FMO5: variants seen among roughly 807,000 people sequenced by gnomAD.
The protein encoded by FMO5 is flavin containing dimethylaniline monoxygenase 5, also known as flavin-containing monooxygenase 5.
A neutral mutation model predicts 43.6 loss-of-function variants in FMO5; 51 were observed. The observed-to-expected ratio is 1.17, with a 90% CI of 0.93 to 1.48. The LOEUF is 1.48. Among genes scored for constraint, FMO5 ranks in the 40% most tolerant of loss-of-function variants. The probability of loss-of-function intolerance (pLI) is 0.00; values close to 1 mark genes in which losing one functional copy is unlikely to be tolerated. For missense variants in FMO5, 644 were observed against 643.0 expected (o/e 1.00, Z -0.02); for synonymous variants, 187 against 216.5 (o/e 0.86, Z 1.20).
downstream of FMO5, among the ~76,000 whole-genome samples, chr1:147,185,388 C>T (rs1201611344): frequency 6.6e-6 from 1 of 151,996 alleles, no homozygotes; most frequent in Non-Finnish European, 1.5e-5. Flanking sequence ...ATTCAATTTG[C>T]TTTTGATATG....
Position 147,186,586 on chromosome 1 carries a change from A to C in FMO5, c.*314T>G. On this transcript the variant is annotated 3_prime_UTR_variant, in exon 9 of 9. Transcript: ENST00000254090. ...CCTACCATAAAATTTGATAAACAACAAACATTTATTAAGCACCTACCACAT... is the reference window on the plus strand; with the variant it reads ...CCTACCATAAAATTTGATAAACAACCAACATTTATTAAGCACCTACCACAT... The C allele has an allele frequency of 9.5e-7, 1 of 1,051,886 alleles. No homozygotes were observed. Among genetic ancestry groups the C allele is most frequent in the Non-Finnish European group, 1.1e-6 (1 of 873,914 alleles). 65.2% of individuals were successfully genotyped at this position (1,051,886 alleles called of 1,614,324 possible).
In FMO5 at chr1:147,213,352, G is replaced by T. The variant is rs587710509; in HGVS notation, c.443C>A (p.Thr148Asn). ...MNVFDGVMVC[T>N]GHHTNAHLPL... ...TAGATGAGCATTGGTGTGATGGCCAGTGCAAACCATGACTCCATCAAAGAC... is the reference window on the plus strand; with the variant it reads ...TAGATGAGCATTGGTGTGATGGCCATTGCAAACCATGACTCCATCAAAGAC... The change falls in exon 4 of 9, where the codon ACT becomes AAT. Residue 148 changes from threonine to asparagine, a missense_variant. Transcript: ENST00000254090. The T allele has an allele frequency of 3.5e-5, 57 of 1,613,370 alleles. No individual in the cohort carries two copies. In the South Asian group the frequency reaches 5.5e-4, roughly 16 times the overall value.
chr1:147,219,086 AAATGAATTAGTT>A (rs1662538532), intron 2 of FMO5, among the ~76,000 whole-genome samples: 1 of 152,240 alleles, frequency 6.6e-6, no homozygotes, highest in South Asian at 2.1e-4. Context: ...AAATGCTTTG[AAATGAATTAGTT>A]AATGAATTAT....
intron 1 of FMO5, 41 bp downstream of exon 1, chr1:147,225,246 A>G (rs1455997469): frequency 1.5e-6 from 2 of 1,315,530 alleles, no homozygotes; most frequent in Admixed American, 2.9e-5. Flanking sequence ...CGCCTGCAAG[A>G]CCCAGAGCTG....
intron 6 of FMO5, chr1:147,203,783 AG>A: frequency 6.5e-7 from 1 of 1,544,546 alleles, no homozygotes; most frequent in South Asian, 1.1e-5. Flanking sequence ...GTCATCCATC[AG>A]ATTGTCTGTA....
intron 2 of FMO5, among the ~76,000 whole-genome samples, chr1:147,218,189 A>G (rs1662339902): frequency 6.6e-6 from 1 of 152,190 alleles, no homozygotes; most frequent in Non-Finnish European, 1.5e-5. Context: ...ACAATGTTAA[A>G]TGTTCCCAAA....
chr1:147,191,849 TG>T (rs1458054607), intron 7 of FMO5, among the ~76,000 whole-genome samples: 3 of 152,142 alleles, frequency 2.0e-5, no homozygotes, highest in African/African-American at 7.2e-5. Flanking sequence ...CTGAGGGCTC[TG>T]TCCTGTTCCA....
Position 147,225,055 on chromosome 1 carries a change from G to C in FMO5, c.-26C>G. 6.2e-7 allele frequency: 1 copy of C among 1,613,996 alleles called. No individual in the cohort carries two copies. Among genetic ancestry groups the C allele is most frequent in the Non-Finnish European group, 8.5e-7 (1 of 1,179,974 alleles). ...GGTCTCCCGAGATCTTCACCTGTTA[G>C]TGTCGCCTGTCCTAAAGAAAGGATG... is the stretch of plus-strand genomic sequence containing the variant. On this transcript the variant is annotated 5_prime_UTR_variant, in exon 2 of 9. Coordinates refer to ENST00000254090, the MANE Select transcript of FMO5 (RefSeq NM_001461.4).
chr1:147,192,449 G>A (rs1295022007), intron 7 of FMO5, among the ~76,000 whole-genome samples: 30 of 152,076 alleles, frequency 2.0e-4, no homozygotes, highest in African/African-American at 4.1e-4. Context: ...CAATCATGTC[G>A]TCTGCAAACA....
chr1:147,192,736 T>C lies in FMO5; in HGVS notation c.1184-2487A>G, dbSNP rs184276640. On this transcript the variant is annotated intron_variant, in intron 7 of 8. Coordinates refer to ENST00000254090, the MANE Select transcript of FMO5 (RefSeq NM_001461.4). ...TTTAGCATGAAGTGTTGTTGAATTCTGTCAAAGGCCTTTTCTGCATCTATT... is the reference window on the plus strand; with the variant it reads ...TTTAGCATGAAGTGTTGTTGAATTCCGTCAAAGGCCTTTTCTGCATCTATT... 4.5e-3 allele frequency among the ~76,000 whole-genome samples: 681 copies of C among 152,318 alleles called. 5 individuals are homozygous for C. The highest frequency in any genetic ancestry group is 0.016 in the African/African-American group (654 of 41,538).
chr1:147,184,647 G>A (rs782464182), downstream of FMO5: 44 of 1,526,128 alleles, frequency 2.9e-5, no homozygotes, highest in Non-Finnish European at 3.6e-5. The surrounding 1 kb of genome is among the most constrained non-coding windows in gnomAD (Gnocchi z 4.4). Context: ...TATGGTTTTT[G>A]AGAGGAATAC....
At chr1:147,204,489 A>G in intron 6 of FMO5, 1 of 1,532,850 alleles carries the variant, frequency 6.5e-7, no homozygotes, top group South Asian at 1.1e-5. Context: ...TTGCAGAACA[A>G]CGTACCAAAT....
At chr1:147,220,857 A>C (rs2102060072) in intron 2 of FMO5, among the ~76,000 whole-genome samples, 1 of 152,224 alleles carries the variant, frequency 6.6e-6, no homozygotes, top group Admixed American at 6.5e-5. Context: ...AAAGTGGAAC[A>C]AACTTACACT....
chr1:147,188,890 A>G (rs1461598565), intron 8 of FMO5, among the ~76,000 whole-genome samples: 1 of 152,172 alleles, frequency 6.6e-6, no homozygotes, highest in Non-Finnish European at 1.5e-5. Flanking sequence ...GAGCCAGAAA[A>G]GAAAGCACTG....
chr1:147,213,341 T>G lies in FMO5; in HGVS notation c.454A>C (p.Thr152Pro), dbSNP rs587652629. 1 of 1,612,530 alleles carries G rather than the reference T, an allele frequency of 6.2e-7. No individual in the cohort carries two copies. The highest frequency in any genetic ancestry group is 1.3e-5 in the African/African-American group (1 of 74,984). Reference sequence around the variant, plus strand: ...CTTTCCAGAGGTAGATGAGCATTGGTGTGATGGCCAGTGCAAACCATGACT... The same window carrying G: ...CTTTCCAGAGGTAGATGAGCATTGGGGTGATGGCCAGTGCAAACCATGACT... ...DGVMVCTGHH[T>P]NAHLPLESFP... Residue 152 changes from threonine to proline, a missense_variant, in exon 4 of 9, where the codon ACC becomes CCC. By Grantham distance (38) the Thr-to-Pro change is conservative. Coordinates refer to ENST00000254090, the MANE Select transcript of FMO5 (RefSeq NM_001461.4).
intron 6 of FMO5, chr1:147,204,728 C>T (rs1553921860): frequency 2.0e-6 from 3 of 1,504,050 alleles, no homozygotes; most frequent in Non-Finnish European, 2.8e-6. Context: ...ATAGTCGCTG[C>T]ATCATTTGTC....
At position 147,208,782 on chromosome 1, in the gene FMO5, T is replaced by G. The variant is rs1409026806; in HGVS notation, c.830+70A>C. ...GTATGGGTAGAGGTGGCTTTACTAT[T>G]AGCCAGTGTGAAGAGTCCTTATTCT... On this transcript the variant is annotated intron_variant, in intron 6 of 8. Transcript: ENST00000254090. 5 of 1,308,012 alleles carry G rather than the reference T, an allele frequency of 3.8e-6. No individual in the cohort carries two copies. The African/African-American group carries it at 7.3e-5, about 19-fold the overall frequency. The allele number at this position is 1,308,012 out of a possible 1,614,324, so 81.0% of individuals were successfully genotyped here.
At chr1:147,220,888 C>A in intron 2 of FMO5, among the ~76,000 whole-genome samples, 1 of 141,680 alleles carries the variant, frequency 7.1e-6, no homozygotes. Flanking sequence ...TATATTGTGG[C>A]ATATATTGAA....
At chr1:147,204,709 T>A in intron 6 of FMO5, 1 of 1,525,254 alleles carries the variant, frequency 6.6e-7, no homozygotes, top group Non-Finnish European at 9.1e-7. Context: ...TACTTCTAGT[T>A]CTCTTAAAAT....
Sources: gnomAD v4.1 joint callset for allele counts (sites outside exome capture counted in the v4.1 genomes callset) on GRCh38, gnomAD v4.1.1 for gene constraint, Gnocchi (gnomAD v3.1) non-coding constraint, MANE v1.5 for transcripts, NCBI Gene and HGNC (gene_info 2026-07-23, HGNC 2026-07-21) for gene names.